Variants in CSMD1 observed in about 807,000 individuals in gnomAD.
CSMD1 encodes the protein CUB and Sushi multiple domains 1, also known as CUB and sushi domain-containing protein 1.
A neutral mutation model predicts 417.5 loss-of-function variants in CSMD1; 213 were observed. That is an observed-to-expected ratio of 0.51 (90% CI 0.46 to 0.57). CSMD1 has a LOEUF of 0.57. CSMD1 is among the 20% of genes least tolerant of loss of function. The pLI is 0.00. For synonymous variants in CSMD1, 2,862 were observed against 1,736.8 expected, an observed-to-expected ratio of 1.65 and a Z score of -16.11; for missense variants, 6,923 against 4,529.7, an observed-to-expected ratio of 1.53 and a Z score of -15.17.
intron 10 of CSMD1, among the ~76,000 whole-genome samples, chr8:3,522,208 A>G (rs1329247489): frequency 1.3e-5 from 2 of 152,188 alleles, no homozygotes; most frequent in Non-Finnish European, 2.9e-5. Context: ...TAAATTTTTT[A>G]TTATTTTATC....
intron 11 of CSMD1, among the ~76,000 whole-genome samples, chr8:3,492,773 T>G (rs1796181993): frequency 6.6e-6 from 1 of 152,156 alleles, no homozygotes; most frequent in Non-Finnish European, 1.5e-5. Context: ...GCTGTCACCG[T>G]GTTTGCTAAG....
chr8:4,024,975 G>C (rs1281781128), intron 4 of CSMD1, among the ~76,000 whole-genome samples: 2 of 152,294 alleles, frequency 1.3e-5, no homozygotes, highest in African/African-American at 4.8e-5. Context: ...GATTGGCCTG[G>C]GCTAGGCCTG....
chr8:4,446,277 G>A (rs1214547515), intron 2 of CSMD1, among the ~76,000 whole-genome samples: 1 of 152,172 alleles, frequency 6.6e-6, no homozygotes, highest in East Asian at 1.9e-4. Context: ...GCTGGGAGTG[G>A]TGGCTCATGC....
chr8:3,759,566 G>A (rs1797871729), intron 5 of CSMD1, among the ~76,000 whole-genome samples: 1 of 151,928 alleles, frequency 6.6e-6, no homozygotes, highest in African/African-American at 2.4e-5. Flanking sequence ...AAATGGGCAT[G>A]AACAGAGACA....
chr8:4,112,512 T>A (rs1049590003), intron 3 of CSMD1, among the ~76,000 whole-genome samples: 2 of 152,100 alleles, frequency 1.3e-5, no homozygotes, highest in African/African-American at 4.8e-5. Flanking sequence ...ATACAGGAAG[T>A]TTGGAAAAGA....
chr8:3,851,929 A>C (rs1334546807), intron 5 of CSMD1, among the ~76,000 whole-genome samples: 2 of 152,160 alleles, frequency 1.3e-5, no homozygotes, highest in Non-Finnish European at 2.9e-5. Context: ...GGGCCTGAGC[A>C]TTGAAGAATA....
Position 3,586,140 on chromosome 8 carries a change from G to T in CSMD1, c.1218C>A (p.Cys406Ter). ...LAAWSDHRPI[C>*]RARTCGSNLR... ...TACCCACCGCAGGTGCCTTACCTCG[G>T]CAGATGGGCCTGTGGTCACTCCAAG... is the stretch of plus-strand genomic sequence containing the variant. Residue 406 changes from cysteine to a stop codon, truncating the protein, a stop_gained, in exon 9 of 70, where the codon TGC becomes TGA. Coordinates refer to ENST00000635120, the MANE Select transcript of CSMD1 (RefSeq NM_033225.6). LOFTEE classifies it high-confidence loss of function. The T allele has an allele frequency of 6.2e-7, 1 of 1,611,416 alleles. No individual in the cohort carries two copies. Among genetic ancestry groups the T allele is most frequent in the Non-Finnish European group, 8.5e-7 (1 of 1,178,984 alleles).
At position 4,328,242 on chromosome 8, in the gene CSMD1, A is replaced by T. The variant is rs1359324485; in HGVS notation, c.415+91711T>A. Among the ~76,000 whole-genome samples the T allele has an allele frequency of 1.7e-3, 216 of 124,694 alleles. 1 individual carries two copies. The highest frequency in any genetic ancestry group is 6.4e-3 in the African/African-American group (206 of 32,098). The allele number at this position is 124,694 out of a possible 152,430, so 81.8% of individuals were successfully genotyped here. On this transcript the variant is annotated intron_variant, in intron 3 of 69. Coordinates refer to ENST00000635120, the MANE Select transcript of CSMD1 (RefSeq NM_033225.6). ...ACCCAATTACATTGCACTCAATACA[A>T]TTTTTTTTTTTTTTTTTTTTTTTGA... is the stretch of plus-strand genomic sequence containing the variant.
At chr8:4,643,411 T>C (rs1803327784) in intron 1 of CSMD1, among the ~76,000 whole-genome samples, 1 of 152,242 alleles carries the variant, frequency 6.6e-6, no homozygotes, top group Admixed American at 6.5e-5. Flanking sequence ...ATTTTTGACA[T>C]TTTTGTAGTC....
chr8:4,697,058 G>A (rs7016288), intron 1 of CSMD1, among the ~76,000 whole-genome samples: 2 of 152,092 alleles, frequency 1.3e-5, no homozygotes, highest in African/African-American at 2.4e-5. Flanking sequence ...TGTAATCCCA[G>A]CTACTCAGGA....
At chr8:3,903,980 G>T (rs1005555822) in intron 5 of CSMD1, among the ~76,000 whole-genome samples, 1 of 151,944 alleles carries the variant, frequency 6.6e-6, no homozygotes, top group South Asian at 2.1e-4. Context: ...TTGTTCTGTA[G>T]TTTCTTGATT....
At chr8:4,761,855 CTATCTATCTATCTATCTATCTAT>C (rs1812095835) in intron 1 of CSMD1, among the ~76,000 whole-genome samples, 1 of 74,546 alleles carries the variant, frequency 1.3e-5, no homozygotes, top group Non-Finnish European at 2.8e-5. Context: ...ATCTATCTAT[CTATCTATCTATCTATCTATCTAT>C]CTATCTATCT....
At chr8:4,440,870 G>T (rs553827055) in intron 2 of CSMD1, among the ~76,000 whole-genome samples, 1 of 151,414 alleles carries the variant, frequency 6.6e-6, no homozygotes, top group Non-Finnish European at 1.5e-5. Context: ...GGGGGTGAAT[G>T]CCTATAGTCC....
At chr8:3,594,592 T>G (rs1271359520) in intron 8 of CSMD1, among the ~76,000 whole-genome samples, 1 of 152,190 alleles carries the variant, frequency 6.6e-6, no homozygotes, top group Non-Finnish European at 1.5e-5. Context: ...TGTTTTGAAG[T>G]TGCACGGTGT....
chr8:3,517,998 G>C (rs1277772014), intron 10 of CSMD1, among the ~76,000 whole-genome samples: 2 of 152,128 alleles, frequency 1.3e-5, no homozygotes, highest in Middle Eastern at 3.4e-3. Flanking sequence ...AAATCATGTA[G>C]GTGAACTTAA....
Position 3,065,198 on chromosome 8 carries a change from G to T in CSMD1, c.7475-12551C>A, listed in dbSNP as rs1585260671. On this transcript the variant is annotated intron_variant, in intron 49 of 69. Coordinates refer to ENST00000635120, the MANE Select transcript of CSMD1 (RefSeq NM_033225.6). ...AAAAAGAAAAATATATAAAAAGAAA[G>T]ATATATAGTGATAGATAAATGACAG... is the stretch of plus-strand genomic sequence containing the variant. 2.0e-5 allele frequency among the ~76,000 whole-genome samples: 3 copies of T among 152,092 alleles called. No homozygotes were observed. The South Asian group carries it at 6.2e-4, about 32-fold the overall frequency.
At chr8:4,161,133 A>C (rs1329047681) in intron 3 of CSMD1, among the ~76,000 whole-genome samples, 13 of 147,290 alleles carry the variant, frequency 8.8e-5, no homozygotes, top group Non-Finnish European at 4.5e-5. Context: ...AAAAAAAAAA[A>C]GTCATGTCTT....
intron 8 of CSMD1, among the ~76,000 whole-genome samples, chr8:3,595,959 T>C (rs1442187267): frequency 6.6e-6 from 1 of 152,166 alleles, no homozygotes; most frequent in Admixed American, 6.5e-5. Flanking sequence ...CTCTTTTGTG[T>C]CTCCCTGAGA....
At chr8:3,943,475 C>T (rs1328347448) in intron 5 of CSMD1, among the ~76,000 whole-genome samples, 1 of 143,394 alleles carries the variant, frequency 7.0e-6, no homozygotes, top group East Asian at 2.1e-4. Flanking sequence ...AATGATCAGT[C>T]AGTGGGTGCT....
Sources: allele counts gnomAD v4.1 joint callset (sites outside exome capture counted in the v4.1 genomes callset), GRCh38; gene constraint gnomAD v4.1.1; transcripts MANE v1.5; gene names NCBI Gene and HGNC (gene_info 2026-07-23, HGNC 2026-07-21).